The following FDFT1 variants were observed in gnomAD, a reference collection of about 807,000 sequenced individuals.
FDFT1 encodes the protein farnesyl-diphosphate farnesyltransferase 1, also known as squalene synthase.
In FDFT1, 68 loss-of-function variants were observed where a neutral mutation model predicts 46.8. The observed-to-expected ratio is 1.45, with a 90% CI of 1.19 to 1.78. The LOEUF (loss-of-function observed/expected upper bound fraction) is 1.78. Ranked by LOEUF, FDFT1 falls within the 40% of genes most tolerant of loss-of-function variation. The pLI, the probability that FDFT1 is intolerant of heterozygous loss-of-function variation, is 0.00. For synonymous variants in FDFT1, 351 were observed against 185.1 expected, an observed-to-expected ratio of 1.90 and a Z score of -7.28; for missense variants, 928 against 524.4, an observed-to-expected ratio of 1.77 and a Z score of -7.52.
At chr8:11,834,067 A>G (rs80010983) in intron 7 of FDFT1, among the ~76,000 whole-genome samples, 5 of 152,292 alleles carry the variant, frequency 3.3e-5, no homozygotes, top group Admixed American at 6.5e-5. Context: ...CACTGATCCT[A>G]TTTCTCCTTG....
chr8:11,829,058 C>T (rs904625811), intron 5 of FDFT1, among the ~76,000 whole-genome samples: 1 of 152,160 alleles, frequency 6.6e-6, no homozygotes, highest in Non-Finnish European at 1.5e-5. Flanking sequence ...CAGCTCGAAC[C>T]TTGTGAGGAG....
At chr8:11,821,660 G>A (rs1809264813) in intron 3 of FDFT1, 90 bp from the exon 4 acceptor site, 1 of 1,452,772 alleles carries the variant, frequency 6.9e-7, no homozygotes, top group Non-Finnish European at 9.6e-7. Context: ...TTGCAGTCAT[G>A]ATTAATTCCG....
upstream of FDFT1, chr8:11,801,742 G>A (rs1651820596): frequency 6.0e-6 from 2 of 333,520 alleles, no homozygotes; most frequent in South Asian, 2.3e-5. Context: ...TGGCCTGGCT[G>A]GAGTGCAGCG....
In FDFT1 at chr8:11,821,800, C is replaced by A. The variant is rs373449722; in HGVS notation, c.432C>A (p.Ala144=). The change falls in exon 4 of 8, where the codon GCC becomes GCA. Residue 144 remains alanine (A), a synonymous_variant. Coordinates refer to ENST00000220584, the MANE Select transcript of FDFT1 (RefSeq NM_004462.5). The part of the protein sequence containing the change: ...NLAEKYQTVI[A]DICRRMGIGM... The stretch of plus-strand genomic sequence containing the variant: ...CTGAGAAATACCAAACAGTGATTGC[C>A]GACATTTGCCGGAGAATGGGCATTG... 1 of 1,613,540 alleles carries A rather than the reference C, an allele frequency of 6.2e-7. No individual in the cohort carries two copies. The highest frequency in any genetic ancestry group is 8.5e-7 in the Non-Finnish European group (1 of 1,179,668).
At chr8:11,808,352 C>T (rs926730972) in intron 1 of FDFT1, 11 of 1,229,228 alleles carry the variant, frequency 8.9e-6, no homozygotes, top group African/African-American at 3.2e-5. Flanking sequence ...GGCGCCGGTG[C>T]GGAGCGGGAG....
upstream of FDFT1, among the ~76,000 whole-genome samples, chr8:11,799,614 C>G (rs913505832): frequency 6.6e-6 from 1 of 152,198 alleles, no homozygotes; most frequent in Non-Finnish European, 1.5e-5. Flanking sequence ...GATCTCCTGT[C>G]CCGTTATTTG....
At chr8:11,824,830 G>T (rs1013334804) in intron 4 of FDFT1, among the ~76,000 whole-genome samples, 1 of 152,054 alleles carries the variant, frequency 6.6e-6, no homozygotes, top group African/African-American at 2.4e-5. Flanking sequence ...CCACCTCCTG[G>T]GTTCACGCCA....
At chr8:11,808,344 C>T (rs1489718878) in intron 1 of FDFT1, 15 of 1,232,146 alleles carry the variant, frequency 1.2e-5, no homozygotes, top group Non-Finnish European at 1.4e-5. Context: ...CGGGAGGAGG[C>T]GCCGGTGCGG....
upstream of FDFT1, chr8:11,802,663 C>G: frequency 1.6e-6 from 1 of 619,332 alleles, no homozygotes; most frequent in Admixed American, 2.8e-5. Context: ...CCGCTGGCGG[C>G]CGAGGCCGGT....
chr8:11,812,593 A>G (rs1278627991), intron 3 of FDFT1, among the ~76,000 whole-genome samples: 1 of 152,242 alleles, frequency 6.6e-6, no homozygotes, highest in East Asian at 1.9e-4. Context: ...TGTTACAAAG[A>G]TAAGTTTGTC....
chr8:11,802,755 A>T lies in FDFT1; in HGVS notation c.-78A>T. 1.7e-6 allele frequency: 2 copies of T among 1,158,894 alleles called. No homozygotes were observed. The highest frequency in any genetic ancestry group is 2.6e-5 in the South Asian group (2 of 76,350). The allele number at this position is 1,158,894 out of a possible 1,614,324, so 71.8% of individuals were successfully genotyped here. On this transcript the variant is annotated 5_prime_UTR_variant, in exon 1 of 8. Coordinates refer to ENST00000220584, the MANE Select transcript of FDFT1 (RefSeq NM_004462.5). ...GCCAGCCCCTCGAAGCACCTACTCC[A>T]CAGGTCCAGCCGGCCGGTGAGCGCC...
rs1245409204 is a variant in FDFT1 at position 11,830,228 on chromosome 8, C to T, written c.703-16C>T. ...TGCACACGCTGACCTGTTCCTTAAT[C>T]TTCTTATCTGTCTAGGTTTGGAGCA... On this transcript the variant is annotated splice_polypyrimidine_tract_variant and intron_variant, in intron 5 of 7. Transcript: ENST00000220584. 2 of 1,606,862 alleles carry T rather than the reference C, an allele frequency of 1.2e-6. No individual in the cohort carries two copies. The highest frequency in any genetic ancestry group is 1.1e-5 in the South Asian group (1 of 90,914).
rs781656005 is a variant in FDFT1, at chr8:11,824,028, C to T, written c.511-1996C>T. Among the ~76,000 whole-genome samples, 5 of 147,990 alleles carry T rather than the reference C, an allele frequency of 3.4e-5. No homozygotes were observed. In the East Asian group the frequency reaches 9.7e-4, roughly 29 times the overall value. ...CCCAGGTGTGAGCCACTACACTCAGCCTTTTAAAATTTTTTACAGAGATGA... is the reference window on the plus strand; with the variant it reads ...CCCAGGTGTGAGCCACTACACTCAGTCTTTTAAAATTTTTTACAGAGATGA... On this transcript the variant is annotated intron_variant, in intron 4 of 7. Transcript: ENST00000220584.
intron 1 of FDFT1, chr8:11,808,589 G>C: frequency 7.2e-7 from 1 of 1,383,594 alleles, no homozygotes; most frequent in South Asian, 1.6e-5. Context: ...GTCCCGCCGC[G>C]GCGCCCAGGG....
At chr8:11,802,434 A>T (rs1029376680), upstream of FDFT1, 1 of 459,498 alleles carries the variant, frequency 2.2e-6, no homozygotes, top group Non-Finnish European at 4.4e-6. Flanking sequence ...CAGTCCCCAC[A>T]GCGTTCGCGC....
rs1034677686 is a variant in FDFT1 at position 11,831,913 on chromosome 8, C to T, written c.1032+243C>T. The T allele has an allele frequency of 2.9e-5, 11 of 382,970 alleles. No homozygotes were observed. In the Admixed American group the frequency reaches 4.1e-4, roughly 14 times the overall value. 23.7% of individuals were successfully genotyped at this position (382,970 alleles called of 1,614,324 possible). On this transcript the variant is annotated intron_variant, in intron 7 of 7. Transcript: ENST00000220584. ...TGGAGCAAGGCTGTAGGTTGGAGCC[C>T]CTCAGTAGAATCATAGATTTTGAGC...
In FDFT1 at chr8:11,808,839, C is replaced by T. The variant is rs1482426603; in HGVS notation, c.145C>T (p.Gln49Ter). Residue 49 changes from glutamine to a stop codon, truncating the protein, a stop_gained, in exon 2 of 8, where the codon CAG (glutamine) becomes TAG (stop). Coordinates refer to ENST00000220584, the MANE Select transcript of FDFT1 (RefSeq NM_004462.5). LOFTEE classifies it high-confidence loss of function. Reference protein sequence around the residue: ...SLKTCYKYLNQTSRSFAAVIQ... With the variant: ...SLKTCYKYLN ...GAAAACTTGCTACAAGTATCTCAAT[C>T]AGACCAGTCGCAGTTTCGCAGCTGT... 2 of 1,613,980 alleles carry T rather than the reference C, an allele frequency of 1.2e-6. No individual in the cohort carries two copies. Among genetic ancestry groups the T allele is most frequent in the South Asian group, 1.1e-5 (1 of 91,040 alleles).
intron 7 of FDFT1, among the ~76,000 whole-genome samples, chr8:11,832,797 T>G (rs1171452306): frequency 6.6e-6 from 1 of 152,078 alleles, no homozygotes; most frequent in Non-Finnish European, 1.5e-5. Flanking sequence ...CTGTTGAGAA[T>G]GAAACACTGT....
chr8:11,797,661 G>GA (rs1805701024), upstream of FDFT1, among the ~76,000 whole-genome samples: 1 of 87,140 alleles, frequency 1.1e-5, no homozygotes, highest in African/African-American at 4.2e-5. Context: ...AAAAAAAAAA[G>GA]AAACAAACAA....
Sources: allele counts gnomAD v4.1 joint callset (sites outside exome capture counted in the v4.1 genomes callset), GRCh38; gene constraint gnomAD v4.1.1; transcripts MANE v1.5; gene names NCBI Gene and HGNC (gene_info 2026-07-23, HGNC 2026-07-21).